The following ANO3 variants were observed in gnomAD, a reference collection of about 807,000 sequenced individuals.
ANO3 encodes anoctamin 3, also known as anoctamin-3.
In ANO3, 99 loss-of-function variants were observed where a neutral mutation model predicts 144.8. That is an observed-to-expected ratio of 0.68 (90% CI 0.58 to 0.81). The LOEUF is 0.81. ANO3 is among the 30% of genes least tolerant of loss of function. ANO3 has a pLI of 0.00. For synonymous variants in ANO3, 414 were observed against 392.6 expected (o/e 1.05, Z -0.64); for missense variants, 905 against 1,202.2 (o/e 0.75, Z 3.66).
intron 1 of ANO3, among the ~76,000 whole-genome samples, chr11:26,368,023 A>G (rs1166072264): frequency 6.6e-6 from 1 of 152,210 alleles, no homozygotes; most frequent in Non-Finnish European, 1.5e-5. Context: ...GGGGATTACA[A>G]TTCAACATGA....
chr11:26,553,231 T>C lies in ANO3; in HGVS notation c.1290-18T>C. On this transcript the variant is annotated intron_variant, in intron 12 of 26. Coordinates refer to ENST00000256737, the MANE Select transcript of ANO3 (RefSeq NM_031418.4). ...CATGCTATGTTTTGTTTTGTTTTTG[T>C]TTTTGTTTTTTCTCAAGCCAAGAAA... 1.6e-6 allele frequency: 2 copies of C among 1,227,266 alleles called. No individual in the cohort carries two copies. The highest frequency in any genetic ancestry group is 2.2e-6 in the Non-Finnish European group (2 of 895,542). 76.0% of individuals were successfully genotyped at this position (1,227,266 alleles called of 1,614,324 possible).
At chr11:26,573,890 T>C (rs1850919852) in intron 14 of ANO3, among the ~76,000 whole-genome samples, 1 of 152,166 alleles carries the variant, frequency 6.6e-6, no homozygotes, top group Non-Finnish European at 1.5e-5. Flanking sequence ...GTTACTTAGC[T>C]CACTTAGTTG....
At chr11:26,467,954 C>A (rs1281539970) in intron 4 of ANO3, among the ~76,000 whole-genome samples, 6 of 151,800 alleles carry the variant, frequency 4.0e-5, no homozygotes, top group African/African-American at 9.7e-5. Context: ...GAGGGGGATT[C>A]TTTTTAAGAT....
intron 1 of ANO3, among the ~76,000 whole-genome samples, chr11:26,247,526 T>A (rs1852824359): frequency 6.6e-6 from 1 of 152,164 alleles, no homozygotes; most frequent in East Asian, 1.9e-4. Context: ...TTTGGTTTTG[T>A]TAGTCAGAGA....
intron 1 of ANO3, among the ~76,000 whole-genome samples, chr11:26,298,853 C>G (rs11029504): frequency 0.017 from 2,650 of 152,162 alleles, 70 homozygotes; most frequent in African/African-American, 0.06. Flanking sequence ...AAGCTTTTCT[C>G]CATCGACTGA....
chr11:26,647,764 A>G lies in ANO3; in HGVS notation c.2484A>G (p.Ala828=). The G allele has an allele frequency of 6.2e-7, 1 of 1,613,164 alleles. No homozygotes were observed. The highest frequency in any genetic ancestry group is 1.1e-5 in the South Asian group (1 of 90,912). Residue 828 remains alanine (A), a synonymous_variant, in exon 24 of 27, where the codon GCA becomes GCG. Coordinates refer to ENST00000256737, the MANE Select transcript of ANO3 (RefSeq NM_031418.4). ...GIGILAVITN[A]FVIAITSDYI... is the part of the protein sequence containing the mutation. ...GTATATTGGCTGTGATCACCAATGCATTTGTAATTGCTATTACTTCTGATT... is the reference window on the plus strand; with the variant it reads ...GTATATTGGCTGTGATCACCAATGCGTTTGTAATTGCTATTACTTCTGATT...
chr11:26,254,830 G>A (rs2133822366), intron 1 of ANO3, among the ~76,000 whole-genome samples: 1 of 152,216 alleles, frequency 6.6e-6, no homozygotes, highest in East Asian at 1.9e-4. Context: ...ACTTAGAAGA[G>A]GTTATCATAT....
At chr11:26,316,375 G>A (rs1381256958) in intron 1 of ANO3, among the ~76,000 whole-genome samples, 3 of 152,140 alleles carry the variant, frequency 2.0e-5, no homozygotes, top group Non-Finnish European at 4.4e-5. Context: ...ATGGGATGAA[G>A]TAATTCTTTA....
chr11:26,597,133 G>A lies in ANO3; in HGVS notation c.1448-1232G>A, dbSNP rs112435379. ...GTATTACTCACCGCTTTGGAGAAGC[G>A]CCGTACGGGCCACCAAATGTTACCG... On this transcript the variant is annotated intron_variant, in intron 14 of 26. Coordinates refer to ENST00000256737, the MANE Select transcript of ANO3 (RefSeq NM_031418.4). 4.0e-4 allele frequency among the ~76,000 whole-genome samples: 61 copies of A among 152,260 alleles called. 1 individual carries two copies. Among genetic ancestry groups the A allele is most frequent in the East Asian group, 2.7e-3 (14 of 5,164 alleles).
intron 6 of ANO3, among the ~76,000 whole-genome samples, chr11:26,522,532 CT>C (rs929948706): frequency 2.9e-4 from 44 of 152,112 alleles, no homozygotes; most frequent in African/African-American, 9.6e-4. Flanking sequence ...ATAGCAGAAC[CT>C]TTCAAATGAA....
At chr11:26,443,896 C>T in intron 3 of ANO3, 60 bp downstream of exon 3, 2 of 1,184,548 alleles carry the variant, frequency 1.7e-6, no homozygotes, top group Admixed American at 2.4e-5. Flanking sequence ...AAGCTGTGTT[C>T]TTCTAAAAAA....
chr11:26,380,484 T>C (rs939119802), intron 1 of ANO3, among the ~76,000 whole-genome samples: 5 of 152,118 alleles, frequency 3.3e-5, no homozygotes, highest in Non-Finnish European at 5.9e-5. Flanking sequence ...CATCAGCACA[T>C]TAGGTGTCTG....
At chr11:26,414,548 C>T (rs1857520047) in intron 1 of ANO3, among the ~76,000 whole-genome samples, 1 of 151,520 alleles carries the variant, frequency 6.6e-6, no homozygotes, top group Non-Finnish European at 1.5e-5. Context: ...AATGAGAACT[C>T]ATGGACACAG....
chr11:26,632,065 G>A (rs772422083), intron 18 of ANO3, among the ~76,000 whole-genome samples: 17 of 151,922 alleles, frequency 1.1e-4, no homozygotes, highest in South Asian at 2.1e-4. Context: ...GGTGTCGGGC[G>A]CCTGTAATCC....
chr11:26,555,429 A>G (rs1001569766), intron 13 of ANO3, among the ~76,000 whole-genome samples: 6 of 152,200 alleles, frequency 3.9e-5, no homozygotes, highest in Non-Finnish European at 8.8e-5. Flanking sequence ...CATATGGCAG[A>G]GTGATAAAGT....
At chr11:26,421,323 G>A (rs1388592490) in intron 1 of ANO3, among the ~76,000 whole-genome samples, 1 of 151,960 alleles carries the variant, frequency 6.6e-6, no homozygotes, top group East Asian at 1.9e-4. Context: ...TTTTGACAAG[G>A]AAGACAAATT....
upstream of ANO3, among the ~76,000 whole-genome samples, chr11:26,305,889 C>T (rs973902017): frequency 1.3e-5 from 2 of 152,052 alleles, no homozygotes; most frequent in African/African-American, 4.8e-5. Context: ...TTATTGGTTT[C>T]TCTTTTATAT....
chr11:26,657,205 G>A (rs868422184), intron 26 of ANO3, among the ~76,000 whole-genome samples: 1 of 152,088 alleles, frequency 6.6e-6, no homozygotes, highest in South Asian at 2.1e-4. Flanking sequence ...TAAGACTTTT[G>A]GAACAAATAT....
chr11:26,400,721 T>C (rs893119409), intron 1 of ANO3, among the ~76,000 whole-genome samples: 6 of 151,638 alleles, frequency 4.0e-5, no homozygotes, highest in African/African-American at 1.2e-4. Context: ...CATATACATA[T>C]ATATATGTAT....
Sources: allele counts gnomAD v4.1 joint callset (sites outside exome capture counted in the v4.1 genomes callset), GRCh38; gene constraint gnomAD v4.1.1; transcripts MANE v1.5; gene names NCBI Gene and HGNC (gene_info 2026-07-23, HGNC 2026-07-21).